Variants in BIN2 observed in about 807,000 individuals in gnomAD.
The protein encoded by BIN2 is breast cancer associated protein BRAP1.
In BIN2, 43 loss-of-function variants were observed where a neutral mutation model predicts 67.9. That is an observed-to-expected ratio of 0.63 (90% confidence interval 0.50 to 0.82). The LOEUF is 0.82. Among genes scored for constraint, BIN2 ranks in the 40% least tolerant of loss-of-function variants. BIN2 has a pLI of 0.00. For synonymous variants in BIN2, 244 were observed against 246.8 expected, an observed-to-expected ratio of 0.99 and a Z score of 0.11; for missense variants, 581 against 671.6, an observed-to-expected ratio of 0.87 and a Z score of 1.49.
intron 2 of BIN2, among the ~76,000 whole-genome samples, chr12:51,303,781 G>T (rs1344128638): frequency 6.6e-6 from 1 of 152,218 alleles, no homozygotes; most frequent in Non-Finnish European, 1.5e-5. Context: ...TAAAAAAGGA[G>T]AGGAAGGTAT....
chr12:51,298,523 A>T (rs918645719), intron 7 of BIN2, among the ~76,000 whole-genome samples: 25 of 152,302 alleles, frequency 1.6e-4, no homozygotes, highest in African/African-American at 6.0e-4. Flanking sequence ...TGGGTGACAG[A>T]ATGAGACCCT....
At position 51,307,316 on chromosome 12, in the gene BIN2, A is replaced by C. The variant is rs188048981; in HGVS notation, c.163-4175T>G. Among the ~76,000 whole-genome samples the C allele has an allele frequency of 1.6e-3, 248 of 152,190 alleles. 2 individuals carry two copies. Among genetic ancestry groups the C allele is most frequent in the African/African-American group, 5.7e-3 (235 of 41,524 alleles). On this transcript the variant is annotated intron_variant, in intron 2 of 12. Transcript: ENST00000615107. ...AAAAAAAAAATTAACAAGACTTTTA[A>C]ATTCTTTCTTGAAGGAGAAAAAAGG...
At chr12:51,290,472 G>A (rs1321041410) in intron 10 of BIN2, among the ~76,000 whole-genome samples, 1 of 152,034 alleles carries the variant, frequency 6.6e-6, no homozygotes. Context: ...GAACTTGGAG[G>A]AAAAGAAAGA....
chr12:51,302,271 G>C, intron 4 of BIN2, 156 bp from the exon 5 acceptor site: 2 of 595,632 alleles, frequency 3.4e-6, no homozygotes, highest in Non-Finnish European at 6.0e-6. Flanking sequence ...GAAGAAAAGA[G>C]ACAGCCCCTA....
chr12:51,298,370 CA>C (rs1444138807), intron 7 of BIN2, among the ~76,000 whole-genome samples: 2 of 151,774 alleles, frequency 1.3e-5, no homozygotes, highest in Non-Finnish European at 2.9e-5. Flanking sequence ...GACTCTGTCT[CA>C]AAACAAAACA....
Position 51,288,121 on chromosome 12 carries a change from G to A in BIN2, c.1583C>T (p.Ala528Val). 1 of 1,613,170 alleles carries A rather than the reference G, an allele frequency of 6.2e-7. No individual in the cohort carries two copies. Among genetic ancestry groups the A allele is most frequent in the African/African-American group, 1.3e-5 (1 of 75,040 alleles). ...DKEKDNKLIS[A>V]NSSEGQDQLQ... is the part of the protein sequence containing the mutation. ...GGCTTTTAGTACCTCCGAGGAGTTA[G>A]CTGAGATAAGCTTATTATCCTTTTC... Residue 528 changes from alanine to valine, a missense_variant, in exon 11 of 13, where the codon GCT becomes GTT. Transcript: ENST00000615107.
At chr12:51,292,425 TAAAA>T in intron 9 of BIN2, 81 bp from the exon 10 acceptor site, 1 of 1,315,840 alleles carries the variant, frequency 7.6e-7, no homozygotes, top group Non-Finnish European at 1.0e-6. Context: ...ATGCATGTAA[TAAAA>T]AAAAGAATAA....
At chr12:51,285,738 C>T (rs1945222311) in intron 11 of BIN2, among the ~76,000 whole-genome samples, 1 of 151,666 alleles carries the variant, frequency 6.6e-6, no homozygotes, top group South Asian at 2.1e-4. Context: ...ATTCTCCTGC[C>T]TCAGTCTCCC....
chr12:51,321,114 T>C (rs1946268373), intron 1 of BIN2, among the ~76,000 whole-genome samples: 1 of 147,324 alleles, frequency 6.8e-6, no homozygotes, highest in African/African-American at 2.6e-5. Context: ...AAAAAGTGTT[T>C]CTACTTCTGA....
At chr12:51,318,816 A>G (rs2137445859) in intron 1 of BIN2, among the ~76,000 whole-genome samples, 1 of 152,300 alleles carries the variant, frequency 6.6e-6, no homozygotes, top group East Asian at 1.9e-4. Context: ...GCTTTCTCAG[A>G]GCTGCCCTAC....
At position 51,295,687 on chromosome 12, in the gene BIN2, C is replaced by T; in HGVS notation, c.761+109G>A. 4.4e-6 allele frequency: 3 copies of T among 674,670 alleles called. 1 individual carries two copies. In the South Asian group the frequency reaches 6.9e-5, roughly 16 times the overall value. The allele number at this position is 674,670 out of a possible 1,614,324, so 41.8% of individuals were successfully genotyped here. A position where few individuals can be genotyped will look rare whatever the true frequency, so the allele number is the denominator to read the frequency against. The stretch of plus-strand genomic sequence containing the variant: ...GCATAGTACAAACAACAAACATCAT[C>T]ACGCACATGCACATAAGGGACAGGT... On this transcript the variant is annotated intron_variant, in intron 9 of 12. Coordinates refer to ENST00000615107, the MANE Select transcript of BIN2 (RefSeq NM_016293.4).
intron 8 of BIN2, among the ~76,000 whole-genome samples, chr12:51,296,413 C>T (rs1199259105): frequency 2.6e-5 from 4 of 151,498 alleles, no homozygotes; most frequent in African/African-American, 4.8e-5. Flanking sequence ...AGGAGAATGG[C>T]GTGAACCTGG....
At chr12:51,320,694 C>T (rs11837662) in intron 1 of BIN2, among the ~76,000 whole-genome samples, 1 of 150,552 alleles carries the variant, frequency 6.6e-6, no homozygotes, top group South Asian at 2.1e-4. Flanking sequence ...ATGTCTCTTA[C>T]CCCTAAATTC....
At chr12:51,296,800 C>T (rs1565677047) in intron 8 of BIN2, among the ~76,000 whole-genome samples, 1 of 152,096 alleles carries the variant, frequency 6.6e-6, no homozygotes, top group Non-Finnish European at 1.5e-5. Flanking sequence ...AATGGGGTTC[C>T]CCATTTTAAT....
intron 2 of BIN2, among the ~76,000 whole-genome samples, 174 bp from the exon 3 acceptor site, chr12:51,303,315 T>G (rs1280092279): frequency 6.6e-6 from 1 of 152,182 alleles, no homozygotes; most frequent in African/African-American, 2.4e-5. Flanking sequence ...GTAGGTGGTC[T>G]CTTTTGTGTT....
chr12:51,302,893 G>A, intron 3 of BIN2, 113 bp from the exon 4 acceptor site: 1 of 1,167,758 alleles, frequency 8.6e-7, no homozygotes, highest in Non-Finnish European at 1.3e-6. Context: ...AGAAGGTTTA[G>A]GTTATATAAG....
Position 51,302,826 on chromosome 12 carries a change from A to G in BIN2, c.218-46T>C, listed in dbSNP as rs1447224834. On this transcript the variant is annotated intron_variant, in intron 3 of 12. Transcript: ENST00000615107. ...CCCACCATCATGTTTCCCCAACAGT[A>G]GTTGGTGTAATCACATGGGTGACAA... 2.0e-6 allele frequency: 3 copies of G among 1,481,996 alleles called. No individual in the cohort carries two copies. The African/African-American group carries it at 4.2e-5, about 21-fold the overall frequency. 91.8% of individuals were successfully genotyped at this position (1,481,996 alleles called of 1,614,324 possible). A position where few individuals can be genotyped will look rare whatever the true frequency, so the allele number is the denominator to read the frequency against.
At chr12:51,298,573 TAAA>T in intron 7 of BIN2, among the ~76,000 whole-genome samples, 1 of 151,808 alleles carries the variant, frequency 6.6e-6, no homozygotes, top group South Asian at 2.1e-4. Flanking sequence ...TAAAATAAAA[TAAA>T]AAATAAAATT....
intron 9 of BIN2, 76 bp downstream of exon 9, chr12:51,295,720 C>T: frequency 8.1e-7 from 1 of 1,240,828 alleles, no homozygotes; most frequent in Non-Finnish European, 1.2e-6. Context: ...GGTCAGGATT[C>T]TGGACTGGAG....
Sources: gnomAD v4.1 joint callset for allele counts (sites outside exome capture counted in the v4.1 genomes callset) on GRCh38, gnomAD v4.1.1 for gene constraint, MANE v1.5 for transcripts, NCBI Gene and HGNC (gene_info 2026-07-23, HGNC 2026-07-21) for gene names.